Variants in PDE7B observed in about 807,000 individuals in gnomAD.
PDE7B encodes phosphodiesterase 7B, also known as 3',5'-cyclic-AMP phosphodiesterase 7B.
PDE7B carries 29 observed loss-of-function variants against 56.2 expected under a neutral mutation model. That is an observed-to-expected ratio of 0.52 (90% CI 0.38 to 0.70). PDE7B has a LOEUF of 0.70. Ranked by LOEUF, PDE7B falls within the 30% of genes least tolerant of loss-of-function variation. The probability of loss-of-function intolerance (pLI) is 0.00; values close to 1 mark genes in which losing one functional copy is unlikely to be tolerated. For missense variants in PDE7B, 490 were observed against 565.0 expected (o/e 0.87, Z 1.35); for synonymous variants, 197 against 196.9 (o/e 1.00, Z 0.00).
chr6:136,156,700 T>C (rs967931646), intron 8 of PDE7B, among the ~76,000 whole-genome samples: 1 of 152,194 alleles, frequency 6.6e-6, no homozygotes, highest in Non-Finnish European at 1.5e-5. Context: ...CATACAGATA[T>C]CTTCAGTGTC....
At chr6:135,876,486 A>G (rs549397600) in intron 1 of PDE7B, among the ~76,000 whole-genome samples, 181 of 152,328 alleles carry the variant, frequency 1.2e-3, no homozygotes, top group African/African-American at 3.9e-3. Context: ...GTGAAATTTC[A>G]GCCATGCTTT....
intron 1 of PDE7B, among the ~76,000 whole-genome samples, chr6:135,855,974 A>G (rs972871058): frequency 6.6e-6 from 1 of 152,172 alleles, no homozygotes; most frequent in Non-Finnish European, 1.5e-5. Context: ...AGGCTGTTGG[A>G]TGCCCTTTTT....
chr6:136,104,182 A>G (rs1777608666), intron 2 of PDE7B, among the ~76,000 whole-genome samples: 1 of 145,684 alleles, frequency 6.9e-6, no homozygotes, highest in Admixed American at 6.6e-5. Context: ...AAGGGGCAAA[A>G]AAAAGCAGCA....
At chr6:136,030,888 A>G (rs540590163) in intron 2 of PDE7B, among the ~76,000 whole-genome samples, 43 of 152,258 alleles carry the variant, frequency 2.8e-4, no homozygotes, top group Non-Finnish European at 5.7e-4. Context: ...CAAAAATAGT[A>G]TTTGTTTATG....
At chr6:136,041,626 T>C (rs988045169) in intron 2 of PDE7B, among the ~76,000 whole-genome samples, 1 of 152,214 alleles carries the variant, frequency 6.6e-6, no homozygotes, top group Non-Finnish European at 1.5e-5. Context: ...CCCCCAAAGC[T>C]GGGCATTGGC....
rs1263719607 is a variant in PDE7B, at chr6:136,192,251, T to C, written c.*411T>C. ...GATCTGCGTGACAGAAACACCAGCA[T>C]ATTTGCAACGCCAAGGATATTGGTC... On this transcript the variant is annotated 3_prime_UTR_variant, in exon 13 of 13. Transcript: ENST00000308191. 1 of 178,316 alleles carries C rather than the reference T, an allele frequency of 5.6e-6. No homozygotes were observed. Among genetic ancestry groups the C allele is most frequent in the African/African-American group, 2.4e-5 (1 of 42,226 alleles). 11.0% of individuals were successfully genotyped at this position (178,316 alleles called of 1,614,324 possible).
chr6:136,142,484 A>G (rs1778344096), intron 3 of PDE7B, among the ~76,000 whole-genome samples: 1 of 152,106 alleles, frequency 6.6e-6, no homozygotes, highest in South Asian at 2.1e-4. Context: ...CTTGGTGCAG[A>G]GCTGAGTTCA....
At chr6:136,007,120 G>C (rs1000713616) in intron 2 of PDE7B, among the ~76,000 whole-genome samples, 10 of 152,086 alleles carry the variant, frequency 6.6e-5, no homozygotes, top group East Asian at 1.9e-4. Flanking sequence ...TAACATAAAG[G>C]GATGTTGGAT....
At chr6:135,937,341 A>G (rs911920548) in intron 1 of PDE7B, among the ~76,000 whole-genome samples, 1 of 152,198 alleles carries the variant, frequency 6.6e-6, no homozygotes, top group Admixed American at 6.5e-5. Flanking sequence ...GGAGTCCTGC[A>G]GGGCCCTTCC....
chr6:136,020,818 C>T (rs1662944407), intron 2 of PDE7B, among the ~76,000 whole-genome samples: 1 of 152,184 alleles, frequency 6.6e-6, no homozygotes, highest in South Asian at 2.1e-4. Flanking sequence ...GGCATAAGTA[C>T]TTGTTCTATA....
intron 3 of PDE7B, among the ~76,000 whole-genome samples, chr6:136,139,821 G>GT (rs1286954512): frequency 6.6e-6 from 1 of 152,024 alleles, no homozygotes; most frequent in Non-Finnish European, 1.5e-5. Flanking sequence ...GGGGTTGTTT[G>GT]TTTTTTTCTT....
intron 3 of PDE7B, among the ~76,000 whole-genome samples, chr6:136,139,651 C>T (rs1055383040): frequency 1.3e-4 from 20 of 152,100 alleles, no homozygotes; most frequent in Non-Finnish European, 1.9e-4. Flanking sequence ...GACTTTTTAA[C>T]TATCGCCATT....
chr6:136,055,116 A>T (rs2128211787), intron 2 of PDE7B, among the ~76,000 whole-genome samples: 1 of 152,354 alleles, frequency 6.6e-6, no homozygotes, highest in South Asian at 2.1e-4. Flanking sequence ...TTAGAGCCAA[A>T]TGTCTGGCAC....
At chr6:135,960,843 T>C (rs777111510) in intron 2 of PDE7B, among the ~76,000 whole-genome samples, 1 of 152,200 alleles carries the variant, frequency 6.6e-6, no homozygotes, top group African/African-American at 2.4e-5. Context: ...CTTTGTCCAG[T>C]CTGCCTTCTT....
intron 11 of PDE7B, among the ~76,000 whole-genome samples, chr6:136,183,136 A>G (rs1296523994): frequency 6.6e-6 from 1 of 151,794 alleles, no homozygotes; most frequent in Non-Finnish European, 1.5e-5. Context: ...ATATGCATGC[A>G]TTATAAGATG....
chr6:135,964,128 G>A (rs370222335), intron 2 of PDE7B, among the ~76,000 whole-genome samples: 11 of 150,882 alleles, frequency 7.3e-5, no homozygotes, highest in African/African-American at 1.5e-4. Context: ...TTTTTGAGAC[G>A]GAGTCTTGCT....
chr6:136,082,656 A>C (rs1209042470), intron 2 of PDE7B, among the ~76,000 whole-genome samples: 2 of 152,210 alleles, frequency 1.3e-5, no homozygotes, highest in African/African-American at 2.4e-5. Context: ...GGTAGAGCAA[A>C]GTCCCTTCTG....
chr6:135,969,568 T>C (rs1256500993), intron 2 of PDE7B, among the ~76,000 whole-genome samples: 1 of 152,076 alleles, frequency 6.6e-6, no homozygotes, highest in Non-Finnish European at 1.5e-5. Context: ...TGGCTAGCCA[T>C]ATACAGAAAA....
chr6:135,943,871 A>G (rs1774548513), intron 1 of PDE7B, among the ~76,000 whole-genome samples: 1 of 152,216 alleles, frequency 6.6e-6, no homozygotes, highest in South Asian at 2.1e-4. Context: ...ATGAATTCAT[A>G]TCCTCTGTGC....
Sources: allele counts gnomAD v4.1 joint callset (sites outside exome capture counted in the v4.1 genomes callset), GRCh38; gene constraint gnomAD v4.1.1; transcripts MANE v1.5; gene names NCBI Gene and HGNC (gene_info 2026-07-23, HGNC 2026-07-21).